BNC2: variants seen among roughly 807,000 people sequenced by gnomAD.
The protein encoded by BNC2 is basonuclin zinc finger protein 2.
A neutral mutation model predicts 76.3 loss-of-function variants in BNC2; 20 were observed. That is an observed-to-expected ratio of 0.26 (90% CI 0.18 to 0.38). The LOEUF is 0.38. BNC2 is among the 10% of genes least tolerant of loss of function. The pLI, the probability that BNC2 is intolerant of heterozygous loss-of-function variation, is 1.00. For missense variants in BNC2, 1,382 were observed against 1,399.8 expected, an observed-to-expected ratio of 0.99 and a Z score of 0.20; for synonymous variants, 582 against 514.8, an observed-to-expected ratio of 1.13 and a Z score of -1.77.
At chr9:16,824,628 G>A (rs146023938) in intron 1 of BNC2, among the ~76,000 whole-genome samples, 2 of 152,230 alleles carry the variant, frequency 1.3e-5, no homozygotes, top group Non-Finnish European at 2.9e-5. Flanking sequence ...GTCACTTCTA[G>A]TCACTGCTAG....
intron 3 of BNC2, among the ~76,000 whole-genome samples, chr9:16,669,950 G>C (rs1376644750): frequency 6.6e-6 from 1 of 152,168 alleles, no homozygotes; most frequent in African/African-American, 2.4e-5. Flanking sequence ...TGTGGACCAT[G>C]ACTCCAATAA....
At position 16,693,127 on chromosome 9, in the gene BNC2, C is replaced by CAAAAAAAAAAAAAAAAAA. The variant is rs34223075; in HGVS notation, c.330+34652_330+34669dup. The stretch of plus-strand genomic sequence containing the variant: ...CCTGGGCAACACAGTAAGACAGTCT[C>CAAAAAAAAAAAAAAAAAA]AAAAAAAAAAAAAAAAAAAAAAGAC... On this transcript the variant is annotated intron_variant, in intron 3 of 6. Transcript: ENST00000380672. Among the ~76,000 whole-genome samples the CAAAAAAAAAAAAAAAAAA allele has an allele frequency of 3.3e-5, 2 of 60,472 alleles. 1 individual carries two copies. The highest frequency in any genetic ancestry group is 5.5e-5 in the Non-Finnish European group (2 of 36,644). The allele number at this position is 60,472 out of a possible 152,430, so 39.7% of individuals were successfully genotyped here.
chr9:16,690,767 G>C (rs149819535), intron 3 of BNC2, among the ~76,000 whole-genome samples: 2,001 of 152,284 alleles, frequency 0.013, 27 homozygotes, highest in South Asian at 0.042. Context: ...ATCAGCATAA[G>C]ATAAAAGAAA....
rs534552466 is a variant in BNC2, at chr9:16,464,110, A to G, written c.670-26586T>C. 1.1e-3 allele frequency among the ~76,000 whole-genome samples: 165 copies of G among 151,790 alleles called. No homozygotes were observed. The Middle Eastern group carries it at 0.017, about 16-fold the overall frequency. Reference sequence around the variant, plus strand: ...CCCTGTCTCCAAAAAAAAAAAAAAAAAAAGAAAGAAGACAAATATAAATGA... The same window carrying G: ...CCCTGTCTCCAAAAAAAAAAAAAAAGAAAGAAAGAAGACAAATATAAATGA... On this transcript the variant is annotated intron_variant, in intron 5 of 6. Transcript: ENST00000380672.
intron 5 of BNC2, among the ~76,000 whole-genome samples, chr9:16,503,075 A>G (rs1201057467): frequency 6.6e-6 from 1 of 152,236 alleles, no homozygotes; most frequent in African/African-American, 2.4e-5. Context: ...AAATTTTCAC[A>G]TGAAGAAGAG....
intron 4 of BNC2, among the ~76,000 whole-genome samples, chr9:16,579,635 G>A (rs1001240024): frequency 2.6e-5 from 4 of 152,022 alleles, no homozygotes; most frequent in African/African-American, 4.8e-5. Context: ...AGTAGTTAAC[G>A]TCAACAACTT....
At chr9:16,473,778 C>A (rs374551526) in intron 5 of BNC2, among the ~76,000 whole-genome samples, 1 of 152,262 alleles carries the variant, frequency 6.6e-6, no homozygotes, top group African/African-American at 2.4e-5. Flanking sequence ...GAGGCTGAGG[C>A]AGGAGAATCA....
intron 1 of BNC2, among the ~76,000 whole-genome samples, chr9:16,787,642 T>A (rs879348424): frequency 4.6e-5 from 7 of 152,328 alleles, no homozygotes; most frequent in Non-Finnish European, 1.0e-4. Flanking sequence ...TTGTGGTGAA[T>A]CACCTAAAGA....
At chr9:16,870,353 G>C (rs1460730207) in intron 1 of BNC2, among the ~76,000 whole-genome samples, 1 of 152,018 alleles carries the variant, frequency 6.6e-6, no homozygotes, top group African/African-American at 2.4e-5. Context: ...ACCTTCGCGC[G>C]GAAGCCGCGA....
chr9:16,810,641 G>A (rs1395478082), intron 1 of BNC2, among the ~76,000 whole-genome samples: 2 of 152,162 alleles, frequency 1.3e-5, no homozygotes, highest in African/African-American at 4.8e-5. Context: ...CATTTTAGTG[G>A]CTCTTAACCA....
At chr9:16,756,047 T>C (rs1210516726) in intron 1 of BNC2, among the ~76,000 whole-genome samples, 1 of 152,156 alleles carries the variant, frequency 6.6e-6, no homozygotes, top group Non-Finnish European at 1.5e-5. Flanking sequence ...AACTCAGGTG[T>C]CTCTCATGAG....
chr9:16,485,294 C>A (rs1822140997), intron 5 of BNC2, among the ~76,000 whole-genome samples: 1 of 152,194 alleles, frequency 6.6e-6, no homozygotes. Flanking sequence ...CATGAGACTT[C>A]CACTCATCTC....
intron 1 of BNC2, among the ~76,000 whole-genome samples, chr9:16,747,463 C>T (rs146048002): frequency 6.6e-5 from 10 of 152,308 alleles, no homozygotes; most frequent in Non-Finnish European, 1.0e-4. Context: ...GTGCCAGGTA[C>T]TATGCAAAAC....
rs111520219 is a variant in BNC2 at position 16,574,927 on chromosome 9, T to C, written c.433+8056A>G. Among the ~76,000 whole-genome samples, 8 of 152,340 alleles carry C rather than the reference T, an allele frequency of 5.3e-5. 1 individual carries two copies. The highest frequency in any genetic ancestry group is 1.9e-4 in the African/African-American group (8 of 41,576). On this transcript the variant is annotated intron_variant, in intron 4 of 6. Transcript: ENST00000380672. ...AAAGGCAGAGAAGGGATTTGACCAC[T>C]GGCCTGGCCACACCCAACTTTTAAT...
At chr9:16,828,304 C>G (rs1040694320) in intron 1 of BNC2, among the ~76,000 whole-genome samples, 2 of 152,164 alleles carry the variant, frequency 1.3e-5, no homozygotes, top group African/African-American at 2.4e-5. Flanking sequence ...AGAAAAACCA[C>G]AGCAAACAAC....
chr9:16,840,198 G>C (rs937728353), intron 1 of BNC2, among the ~76,000 whole-genome samples: 5 of 152,118 alleles, frequency 3.3e-5, no homozygotes, highest in African/African-American at 1.2e-4. Flanking sequence ...CCATACCACA[G>C]AGCCTATCTG....
chr9:16,504,349 C>T (rs1432172576), intron 5 of BNC2, among the ~76,000 whole-genome samples: 5 of 144,724 alleles, frequency 3.5e-5, no homozygotes. Context: ...ACATGTATTC[C>T]AGAATCCAAG....
intron 3 of BNC2, among the ~76,000 whole-genome samples, chr9:16,639,422 TC>T (rs1379201913): frequency 1.4e-4 from 22 of 152,314 alleles, no homozygotes; most frequent in Non-Finnish European, 1.5e-5. Context: ...CATATGTATT[TC>T]AAAAATGATT....
At chr9:16,654,271 T>C (rs1311501410) in intron 3 of BNC2, among the ~76,000 whole-genome samples, 1 of 152,238 alleles carries the variant, frequency 6.6e-6, no homozygotes, top group African/African-American at 2.4e-5. Context: ...CATTTATTTT[T>C]GTTGTTCTTG....
Sources: allele counts gnomAD v4.1 joint callset (sites outside exome capture counted in the v4.1 genomes callset), GRCh38; gene constraint gnomAD v4.1.1; transcripts MANE v1.5; gene names NCBI Gene and HGNC (gene_info 2026-07-23, HGNC 2026-07-21).